The following BMERB1 variants were observed in gnomAD, a reference collection of about 807,000 sequenced individuals.
The protein encoded by BMERB1 is bMERB domain-containing protein 1.
A neutral mutation model predicts 23.6 loss-of-function variants in BMERB1; 12 were observed. That is an observed-to-expected ratio of 0.51 (90% CI 0.33 to 0.82). BMERB1 has a LOEUF of 0.82. Among genes scored for constraint, BMERB1 ranks in the 40% least tolerant of loss-of-function variants. BMERB1 has a pLI of 0.03. For missense variants in BMERB1, 247 were observed against 255.4 expected (o/e 0.97, Z 0.22); for synonymous variants, 122 against 96.6 (o/e 1.26, Z -1.54).
intron 2 of BMERB1, chr16:15,533,100 A>G (rs1409193811): frequency 2.3e-6 from 1 of 440,496 alleles, no homozygotes; most frequent in East Asian, 7.1e-5. Flanking sequence ...AAAGAGATCA[A>G]GCATATTAAG....
Position 15,546,995 on chromosome 16 carries a change from G to A in BMERB1, c.231-20988G>A, listed in dbSNP as rs529073219. Among the ~76,000 whole-genome samples, 116 of 151,418 alleles carry A rather than the reference G, an allele frequency of 7.7e-4. 1 individual carries two copies. The Middle Eastern group carries it at 0.01, about 13-fold the overall frequency. On this transcript the variant is annotated intron_variant, in intron 2 of 5. Coordinates refer to ENST00000300006, the MANE Select transcript of BMERB1 (RefSeq NM_033201.3). ...CTGTTACATTCCAGCCTTTGTATAAGGGCACTGGCTCTTTTAGCTTTTTTT... is the reference window on the plus strand; with the variant it reads ...CTGTTACATTCCAGCCTTTGTATAAAGGCACTGGCTCTTTTAGCTTTTTTT...
chr16:15,570,774 T>G (rs2030705702), intron 3 of BMERB1, among the ~76,000 whole-genome samples: 2 of 152,016 alleles, frequency 1.3e-5, no homozygotes, highest in Admixed American at 6.5e-5. Context: ...AAGGGGTAGA[T>G]TATTCATGAG....
At chr16:15,559,146 T>C (rs1354602353) in intron 2 of BMERB1, among the ~76,000 whole-genome samples, 1 of 152,200 alleles carries the variant, frequency 6.6e-6, no homozygotes, top group Non-Finnish European at 1.5e-5. Context: ...TATATGGCAC[T>C]ATGACACATA....
At chr16:15,450,432 C>T (rs553475055) in intron 1 of BMERB1, among the ~76,000 whole-genome samples, 72 of 152,194 alleles carry the variant, frequency 4.7e-4, no homozygotes, top group African/African-American at 1.6e-3. Context: ...TGGATCCCTA[C>T]CCTAGACAAA....
chr16:15,434,851 G>A, intron 1 of BMERB1, 92 bp downstream of exon 1: 3 of 1,137,000 alleles, frequency 2.6e-6, no homozygotes, highest in Non-Finnish European at 1.2e-6. Flanking sequence ...AACGCCAGCA[G>A]TGGACCCAGG....
intron 1 of BMERB1, among the ~76,000 whole-genome samples, chr16:15,480,118 AT>A (rs1049765328): frequency 0.014 from 2,022 of 144,752 alleles, 50 homozygotes; most frequent in African/African-American, 0.049. Context: ...GATTTTATTA[AT>A]TTTTTTTTTT....
intron 1 of BMERB1, among the ~76,000 whole-genome samples, chr16:15,461,837 G>T (rs991039102): frequency 2.0e-5 from 3 of 152,070 alleles, no homozygotes; most frequent in Non-Finnish European, 4.4e-5. Flanking sequence ...GGGAGGTTGA[G>T]GCAGGAGGAT....
chr16:15,586,412 A>AC (rs1352217876), intron 5 of BMERB1, among the ~76,000 whole-genome samples: 1 of 152,204 alleles, frequency 6.6e-6, no homozygotes, highest in African/African-American at 2.4e-5. Flanking sequence ...TACTTCTTGG[A>AC]TGTCAGGCCC....
chr16:15,521,458 C>T (rs547462567), intron 2 of BMERB1, among the ~76,000 whole-genome samples: 2 of 152,308 alleles, frequency 1.3e-5, no homozygotes, highest in Admixed American at 1.3e-4. Flanking sequence ...CACACATGCT[C>T]ACATAACCCA....
intron 1 of BMERB1, among the ~76,000 whole-genome samples, chr16:15,506,805 CCA>C (rs2051597053): frequency 6.6e-6 from 1 of 152,148 alleles, no homozygotes; most frequent in Non-Finnish European, 1.5e-5. Context: ...GAGTCTCTTT[CCA>C]TCTCCTCAGC....
chr16:15,496,314 C>G (rs2051473201), intron 1 of BMERB1, among the ~76,000 whole-genome samples: 1 of 152,002 alleles, frequency 6.6e-6, no homozygotes, highest in East Asian at 1.9e-4. Context: ...TCACCAAGTC[C>G]TCACTGTCCT....
intron 1 of BMERB1, among the ~76,000 whole-genome samples, chr16:15,489,818 A>T (rs867316625): frequency 6.6e-5 from 10 of 151,870 alleles, no homozygotes; most frequent in Middle Eastern, 3.4e-3. Context: ...TCCCATGTAC[A>T]CTTCTTTTTC....
intron 3 of BMERB1, among the ~76,000 whole-genome samples, chr16:15,576,056 T>G (rs996379565): frequency 1.4e-5 from 2 of 143,864 alleles, no homozygotes; most frequent in Non-Finnish European, 3.0e-5. Flanking sequence ...TTTTTTTTTT[T>G]GAGACAGAGT....
chr16:15,520,238 C>T (rs2051833712), intron 2 of BMERB1, among the ~76,000 whole-genome samples: 1 of 152,240 alleles, frequency 6.6e-6, no homozygotes, highest in African/African-American at 2.4e-5. Flanking sequence ...GGGCAGAGCC[C>T]TTAACCTTAA....
intron 1 of BMERB1, among the ~76,000 whole-genome samples, chr16:15,478,926 A>G (rs2051295907): frequency 6.6e-6 from 1 of 152,214 alleles, no homozygotes; most frequent in Non-Finnish European, 1.5e-5. Flanking sequence ...TGGATTCTGA[A>G]GCACAATGGT....
At chr16:15,505,552 CTG>C (rs1264002752) in intron 1 of BMERB1, among the ~76,000 whole-genome samples, 1 of 152,066 alleles carries the variant, frequency 6.6e-6, no homozygotes, top group Non-Finnish European at 1.5e-5. Context: ...CATTTATTGT[CTG>C]TGGATGTCAT....
chr16:15,547,333 T>C lies in BMERB1; in HGVS notation c.231-20650T>C, dbSNP rs1388878448. ...CCAGTAGGCTCCTTCAGCTTTGTTT[T>C]TTTCTTCTTCTTTTTTTTTTTTTTA... On this transcript the variant is annotated intron_variant, in intron 2 of 5. Transcript: ENST00000300006. Among the ~76,000 whole-genome samples the C allele has an allele frequency of 4.0e-5, 6 of 149,860 alleles. No individual in the cohort carries two copies. The Admixed American group carries it at 4.0e-4, about 10-fold the overall frequency.
intron 2 of BMERB1, among the ~76,000 whole-genome samples, chr16:15,533,945 T>C (rs2051995570): frequency 6.6e-6 from 1 of 152,074 alleles, no homozygotes; most frequent in South Asian, 2.1e-4. Context: ...AGCTGTACAA[T>C]GTCTGTACAT....
At chr16:15,574,510 G>A (rs1376962454) in intron 3 of BMERB1, among the ~76,000 whole-genome samples, 1 of 152,046 alleles carries the variant, frequency 6.6e-6, no homozygotes, top group Non-Finnish European at 1.5e-5. Flanking sequence ...AGGACAGCTT[G>A]GAGGTTAGAA....
Sources: gnomAD v4.1 joint callset for allele counts (sites outside exome capture counted in the v4.1 genomes callset) on GRCh38, gnomAD v4.1.1 for gene constraint, MANE v1.5 for transcripts, NCBI Gene and HGNC (gene_info 2026-07-23, HGNC 2026-07-21) for gene names.